The following SHPRH variants were observed in gnomAD, a reference collection of about 807,000 sequenced individuals.
The protein encoded by SHPRH is SNF2 histone linker PHD RING helicase.
A neutral mutation model predicts 202.5 loss-of-function variants in SHPRH; 106 were observed. That is an observed-to-expected ratio of 0.52 (90% CI 0.45 to 0.62). The LOEUF is 0.62. SHPRH is among the 20% of genes least tolerant of loss of function. SHPRH has a pLI of 0.00. For missense variants in SHPRH, 1,710 were observed against 2,020.0 expected (o/e 0.85, Z 2.94); for synonymous variants, 729 against 686.0 (o/e 1.06, Z -0.98).
At chr6:145,914,463 T>C (rs1359559650) in intron 23 of SHPRH, among the ~76,000 whole-genome samples, 1 of 152,194 alleles carries the variant, frequency 6.6e-6, no homozygotes, top group Non-Finnish European at 1.5e-5. Flanking sequence ...GTGGGCCATA[T>C]GATCTGTGTT....
chr6:145,879,842 T>C (rs1583274773), downstream of SHPRH, among the ~76,000 whole-genome samples: 1 of 133,276 alleles, frequency 7.5e-6, no homozygotes, highest in Non-Finnish European at 1.5e-5. Flanking sequence ...AACCCGGGAG[T>C]AGGAGGTTGT....
chr6:145,943,872 G>T, intron 8 of SHPRH, 70 bp from the exon 9 acceptor site: 1 of 1,347,318 alleles, frequency 7.4e-7, no homozygotes. Flanking sequence ...CTGACTTTAT[G>T]TAAGTACTTC....
intron 2 of SHPRH, among the ~76,000 whole-genome samples, chr6:145,874,546 GATATAC>G (rs1780214870): frequency 1.3e-5 from 2 of 151,938 alleles, no homozygotes; most frequent in Admixed American, 6.6e-5. Flanking sequence ...GTAATGTTTT[GATATAC>G]ATATACATTC....
intron 6 of SHPRH, 41 bp downstream of exon 6, chr6:145,947,452 A>G (rs187747408): frequency 5.6e-6 from 9 of 1,600,118 alleles, no homozygotes; most frequent in Admixed American, 1.7e-5. Context: ...TTTCGAGAAC[A>G]TATGTCCCCT....
At chr6:145,891,038 C>T (rs948093500) in intron 28 of SHPRH, among the ~76,000 whole-genome samples, 1 of 152,116 alleles carries the variant, frequency 6.6e-6, no homozygotes, top group Non-Finnish European at 1.5e-5. Flanking sequence ...CCCCTTCACT[C>T]CCACCCTATC....
intron 1 of SHPRH, among the ~76,000 whole-genome samples, chr6:145,959,935 T>C (rs1286266148): frequency 6.6e-6 from 1 of 152,228 alleles, no homozygotes; most frequent in Non-Finnish European, 1.5e-5. Context: ...CCTCAAAGCA[T>C]AAGCTGGAAT....
chr6:145,907,896 GC>G (rs1405753967), intron 25 of SHPRH: 1 of 152,048 alleles, frequency 6.6e-6, no homozygotes, highest in Non-Finnish European at 1.5e-5. Context: ...CTATTTATCT[GC>G]CCTCTTAGTT....
chr6:145,886,676 T>C lies in SHPRH; in HGVS notation c.*15A>G. On this transcript the variant is annotated 3_prime_UTR_variant, in exon 30 of 30. Coordinates refer to ENST00000275233, the MANE Select transcript of SHPRH (RefSeq NM_001042683.3). Reference sequence around the variant, plus strand: ...TATTAATACACTAAAGTCCATGGAATGAATCAAGTGTAGTTCATTCAAGCT... The same window carrying C: ...TATTAATACACTAAAGTCCATGGAACGAATCAAGTGTAGTTCATTCAAGCT... The C allele has an allele frequency of 1.2e-6, 2 of 1,609,092 alleles. No individual in the cohort carries two copies. Among genetic ancestry groups the C allele is most frequent in the East Asian group, 2.2e-5 (1 of 44,792 alleles).
chr6:145,954,765 T>C lies in SHPRH; in HGVS notation c.558A>G (p.Leu186=). 1 of 1,612,778 alleles carries C rather than the reference T, an allele frequency of 6.2e-7. No individual in the cohort carries two copies. Among genetic ancestry groups the C allele is most frequent in the Non-Finnish European group, 8.5e-7 (1 of 1,179,644 alleles). Residue 186 remains leucine (L), a synonymous_variant, in exon 2 of 30, where the codon TTA becomes TTG. Coordinates refer to ENST00000275233, the MANE Select transcript of SHPRH (RefSeq NM_001042683.3). ...TCTTTTGTAGCCACCCCAAATCTTC[T>C]AACATTTCACCACTGAAGGATGACT... ...LVESSFSGEM[L]EDLGWLQKKR... is the part of the protein sequence containing the mutation.
At chr6:145,942,199 G>A (rs527896862) in intron 9 of SHPRH, among the ~76,000 whole-genome samples, 1 of 152,258 alleles carries the variant, frequency 6.6e-6, no homozygotes, top group East Asian at 1.9e-4. Context: ...AAGAGAAAAG[G>A]GCTATATGTA....
At chr6:145,900,820 TTG>T (rs1782441343) in intron 25 of SHPRH, among the ~76,000 whole-genome samples, 1 of 152,146 alleles carries the variant, frequency 6.6e-6, no homozygotes, top group Admixed American at 6.6e-5. Context: ...TTTTAAAAAT[TTG>T]TGTTTTTTAA....
At chr6:145,920,501 T>G (rs577657312) in intron 21 of SHPRH, among the ~76,000 whole-genome samples, 329 of 152,170 alleles carry the variant, frequency 2.2e-3, no homozygotes, top group Non-Finnish European at 3.7e-3. Context: ...ACTATCTCTC[T>G]GCATAAAAAT....
intron 29 of SHPRH, among the ~76,000 whole-genome samples, chr6:145,887,470 G>A (rs185751894): frequency 1.7e-3 from 260 of 151,618 alleles, no homozygotes; most frequent in African/African-American, 5.2e-3. Context: ...AATTAAGACT[G>A]GTTTAGTCTC....
At chr6:145,881,932 T>C (rs1219975861), downstream of SHPRH, among the ~76,000 whole-genome samples, 1 of 151,984 alleles carries the variant, frequency 6.6e-6, no homozygotes, top group African/African-American at 2.4e-5. Flanking sequence ...AGCGAAACGC[T>C]GTCTCTACAA....
chr6:145,877,231 G>T lies in SHPRH; in HGVS notation c.221+10789C>A, dbSNP rs192672555. 1.5e-4 allele frequency among the ~76,000 whole-genome samples: 23 copies of T among 152,234 alleles called. No individual in the cohort carries two copies. The South Asian group carries it at 1.7e-3, about 11-fold the overall frequency. On this transcript the variant is annotated intron_variant, in intron 2 of 2. Transcript: ENST00000417762. Reference sequence around the variant, plus strand: ...GTGTACATTTAACTATTTAAGACACGGATAAATGGTTTTCCAAAGCAGCTG... The same window carrying T: ...GTGTACATTTAACTATTTAAGACACTGATAAATGGTTTTCCAAAGCAGCTG...
intron 6 of SHPRH, among the ~76,000 whole-genome samples, chr6:145,946,814 A>G (rs896775861): frequency 6.6e-6 from 1 of 151,992 alleles, no homozygotes; most frequent in African/African-American, 2.4e-5. Context: ...GAAAGATAAC[A>G]TAATGCTAAA....
chr6:145,900,043 C>T (rs1782358167), intron 25 of SHPRH, among the ~76,000 whole-genome samples: 1 of 152,070 alleles, frequency 6.6e-6, no homozygotes, highest in Non-Finnish European at 1.5e-5. Flanking sequence ...AACCCTTGTA[C>T]ACCATTGGTG....
intron 8 of SHPRH, among the ~76,000 whole-genome samples, chr6:145,944,204 C>A (rs9497435): frequency 0.55 from 83,361 of 151,984 alleles, 23,364 homozygotes; most frequent in Admixed American, 0.67. Flanking sequence ...AAAAGATAAT[C>A]CACTGGTTAC....
At chr6:145,876,292 T>C (rs1780299930) in intron 2 of SHPRH, among the ~76,000 whole-genome samples, 1 of 152,166 alleles carries the variant, frequency 6.6e-6, no homozygotes, top group African/African-American at 2.4e-5. Flanking sequence ...GAGGATCATT[T>C]AAGCCCAGGA....
Sources: allele counts gnomAD v4.1 joint callset (sites outside exome capture counted in the v4.1 genomes callset), GRCh38; gene constraint gnomAD v4.1.1; transcripts MANE v1.5; gene names NCBI Gene and HGNC (gene_info 2026-07-23, HGNC 2026-07-21).